Variants in ERI1 observed in about 807,000 individuals in gnomAD.
ERI1 encodes the protein exoribonuclease 1.
In ERI1, 39 loss-of-function variants were observed where a neutral mutation model predicts 39.7. The ratio of observed to expected loss-of-function variants is 0.98; its 90% CI spans 0.76 to 1.28. ERI1 has a LOEUF of 1.28. Among genes scored for constraint, ERI1 ranks in the 50% most tolerant of loss-of-function variants. ERI1 has a pLI of 0.00. For synonymous variants in ERI1, 204 were observed against 149.6 expected (o/e 1.36, Z -2.65); for missense variants, 581 against 416.9 (o/e 1.39, Z -3.43).
At chr8:9,076,754 A>C (rs1799223557) in intron 3 of ERI1, among the ~76,000 whole-genome samples, 1 of 152,224 alleles carries the variant, frequency 6.6e-6, no homozygotes, top group South Asian at 2.1e-4. Flanking sequence ...AAGAAGAGAA[A>C]TCTGAATGAG....
intron 3 of ERI1, among the ~76,000 whole-genome samples, chr8:9,087,995 AAAGAATGGCATATACGCCTACAGGTG>A (rs1799583697): frequency 6.6e-6 from 1 of 152,312 alleles, no homozygotes; most frequent in South Asian, 2.1e-4. Flanking sequence ...GCAGATTTAA[AAAGAATGGCATATACGCCTACAGGTG>A]CACAGAGCTA....
chr8:9,039,665 G>T (rs185060673), intron 3 of ERI1, among the ~76,000 whole-genome samples: 2 of 152,084 alleles, frequency 1.3e-5, no homozygotes, highest in Non-Finnish European at 2.9e-5. Context: ...TTTGGCTTTT[G>T]GCAGAATTAA....
intron 3 of ERI1, among the ~76,000 whole-genome samples, chr8:9,050,817 A>G (rs1230054914): frequency 1.3e-5 from 2 of 152,180 alleles, no homozygotes; most frequent in Non-Finnish European, 2.9e-5. Context: ...TTTATGCAAT[A>G]AAAATAACAG....
rs545301062 is a variant in ERI1, at chr8:9,016,429, C to G, written c.582+24C>G. On this transcript the variant is annotated intron_variant, in intron 4 of 6. Transcript: ENST00000250263. ...AGGTTATAATTCTAAGTTCTTCTTT[C>G]TAGAGTTTGAAAGAGTTCTTGAAAT... The G allele has an allele frequency of 2.7e-6, 4 of 1,468,274 alleles. No homozygotes were observed. The South Asian group carries it at 3.9e-5, about 14-fold the overall frequency. The allele number at this position is 1,468,274 out of a possible 1,614,324, so 91.0% of individuals were successfully genotyped here.
intron 3 of ERI1, among the ~76,000 whole-genome samples, chr8:9,064,707 T>C (rs574789108): frequency 6.6e-6 from 1 of 152,192 alleles, no homozygotes; most frequent in Non-Finnish European, 1.5e-5. Flanking sequence ...AGGTCCTAGG[T>C]GGATCTTTTT....
At chr8:9,084,001 G>A (rs916626067) in intron 3 of ERI1, among the ~76,000 whole-genome samples, 16 of 152,142 alleles carry the variant, frequency 1.1e-4, no homozygotes, top group African/African-American at 3.4e-4. Context: ...CACCGTGTTA[G>A]CCAGGATGGT....
intron 3 of ERI1, among the ~76,000 whole-genome samples, chr8:9,043,931 T>C (rs1166390886): frequency 6.6e-6 from 1 of 152,200 alleles, no homozygotes; most frequent in Non-Finnish European, 1.5e-5. Flanking sequence ...GTTAACAATG[T>C]AAAGTAAGTT....
rs1287039653 is a variant in ERI1 at position 9,016,213 on chromosome 8, C to T, written c.499-109C>T. The T allele has an allele frequency of 5.9e-6, 3 of 508,106 alleles. No homozygotes were observed. The Admixed American group carries it at 9.1e-5, about 15-fold the overall frequency. The allele number at this position is 508,106 out of a possible 1,614,324, so 31.5% of individuals were successfully genotyped here. ...TTCTTAAAAACTGGAAGGGTTTATG[C>T]CGTGAGATCCTATGAAATTGCAACC... On this transcript the variant is annotated intron_variant, in intron 3 of 6. Transcript: ENST00000250263.
intron 3 of ERI1, among the ~76,000 whole-genome samples, chr8:9,093,351 G>A (rs76861574): frequency 0.029 from 4,431 of 152,208 alleles, 190 homozygotes; most frequent in South Asian, 0.11. Flanking sequence ...GCTGCAGGTT[G>A]GACAAGCTTG....
intron 1 of ERI1, 69 bp from the exon 2 acceptor site, chr8:9,007,901 A>G: frequency 5.3e-6 from 8 of 1,512,170 alleles, no homozygotes; most frequent in Non-Finnish European, 6.2e-6. Context: ...GAATCTTTAA[A>G]TCTGTGATGT....
intron 3 of ERI1, among the ~76,000 whole-genome samples, chr8:9,063,812 C>T (rs1007839211): frequency 6.6e-6 from 1 of 152,060 alleles, no homozygotes; most frequent in Non-Finnish European, 1.5e-5. Context: ...ATACTGGGGT[C>T]AAGTGGCATT....
chr8:9,064,690 G>T (rs62493174), intron 3 of ERI1, among the ~76,000 whole-genome samples: 28,427 of 152,096 alleles, frequency 0.19, 2,956 homozygotes, highest in Non-Finnish European at 0.24. Flanking sequence ...GTGGGTCTGA[G>T]GACCTGAGGT....
intron 3 of ERI1, among the ~76,000 whole-genome samples, chr8:9,041,142 T>C (rs565971002): frequency 4.6e-5 from 7 of 152,332 alleles, no homozygotes; most frequent in African/African-American, 1.7e-4. Flanking sequence ...AGCATGACTT[T>C]TGTTCATTCT....
chr8:9,037,998 G>A (rs1250479898), downstream of ERI1, among the ~76,000 whole-genome samples: 2 of 150,504 alleles, frequency 1.3e-5, no homozygotes, highest in Non-Finnish European at 3.0e-5. Flanking sequence ...TTTTGCACAA[G>A]TACTCCCTAA....
At chr8:9,054,820 C>T (rs1798456726) in intron 3 of ERI1, among the ~76,000 whole-genome samples, 1 of 152,214 alleles carries the variant, frequency 6.6e-6, no homozygotes, top group African/African-American at 2.4e-5. Flanking sequence ...CCCAGCTAGT[C>T]AGGAGGCTGA....
chr8:9,088,486 G>A (rs1335417071), intron 3 of ERI1: 7 of 152,182 alleles, frequency 4.6e-5, no homozygotes, highest in Admixed American at 3.9e-4. Flanking sequence ...CAGGAGTGGC[G>A]ACCGGCAAAC....
intron 3 of ERI1, among the ~76,000 whole-genome samples, chr8:9,054,843 G>A (rs930904463): frequency 2.0e-5 from 3 of 152,214 alleles, no homozygotes; most frequent in East Asian, 1.9e-4. Flanking sequence ...CAGGAGACTC[G>A]GTTGAACCCA....
intron 3 of ERI1, among the ~76,000 whole-genome samples, chr8:9,050,682 A>G (rs1798329732): frequency 1.3e-5 from 2 of 152,150 alleles, no homozygotes; most frequent in Non-Finnish European, 2.9e-5. Context: ...AATCTGGGAA[A>G]TTGTCCCTAA....
In ERI1 at chr8:9,030,455, A is replaced by G. The variant is rs1225627669; in HGVS notation, c.*421A>G. 5.8e-6 allele frequency: 1 copy of G among 173,266 alleles called. No individual in the cohort carries two copies. Among genetic ancestry groups the G allele is most frequent in the Admixed American group, 5.4e-5 (1 of 18,468 alleles). The allele number at this position is 173,266 out of a possible 1,614,324, so 10.7% of individuals were successfully genotyped here. On this transcript the variant is annotated 3_prime_UTR_variant, in exon 7 of 7. Coordinates refer to ENST00000250263, the MANE Select transcript of ERI1 (RefSeq NM_153332.4). ...AAATGCAGAAATGATTGGAAGGTAGATCTTATCTAGCCTTTGGATTTCAAG... is the reference window on the plus strand; with the variant it reads ...AAATGCAGAAATGATTGGAAGGTAGGTCTTATCTAGCCTTTGGATTTCAAG...
Sources: allele counts gnomAD v4.1 joint callset (sites outside exome capture counted in the v4.1 genomes callset), GRCh38; gene constraint gnomAD v4.1.1; transcripts MANE v1.5; gene names NCBI Gene and HGNC (gene_info 2026-07-23, HGNC 2026-07-21).